Variants in PROS1 observed in about 807,000 individuals in gnomAD.
PROS1 encodes vitamin K-dependent protein S.
PROS1 carries 29 observed loss-of-function variants against 75.9 expected under a neutral mutation model. That is an observed-to-expected ratio of 0.38 (90% confidence interval 0.28 to 0.52). The LOEUF is 0.52. PROS1 is among the 20% of genes least tolerant of loss of function. PROS1 has a pLI of 0.83. For missense variants in PROS1, 680 were observed against 810.3 expected (o/e 0.84, Z 1.95); for synonymous variants, 245 against 280.6 (o/e 0.87, Z 1.27).
chr3:93,955,879 C>G (rs1156945158), intron 1 of PROS1, among the ~76,000 whole-genome samples: 1 of 152,060 alleles, frequency 6.6e-6, no homozygotes, highest in East Asian at 1.9e-4. Flanking sequence ...TACAGATATT[C>G]AATTTTACAC....
At chr3:93,935,669 T>C (rs1350277147) in intron 1 of PROS1, among the ~76,000 whole-genome samples, 1 of 152,126 alleles carries the variant, frequency 6.6e-6, no homozygotes, top group Non-Finnish European at 1.5e-5. Context: ...CTTTGACTCT[T>C]AGGATATAAT....
At chr3:93,896,740 G>T in intron 8 of PROS1, 49 bp from the exon 9 acceptor site, 2 of 1,356,724 alleles carry the variant, frequency 1.5e-6, no homozygotes, top group South Asian at 1.2e-5. Context: ...AAATGCACAG[G>T]TTATTGCTTA....
chr3:93,876,543 C>A (rs1251865672), intron 14 of PROS1, among the ~76,000 whole-genome samples: 1 of 124,824 alleles, frequency 8.0e-6, no homozygotes, highest in African/African-American at 3.1e-5. Context: ...GAGCCGAGAT[C>A]GTGCCACTGC....
chr3:93,945,587 A>G (rs1440906295), intron 1 of PROS1, among the ~76,000 whole-genome samples: 2 of 152,238 alleles, frequency 1.3e-5, no homozygotes, highest in African/African-American at 4.8e-5. Context: ...GATGCAGAAA[A>G]GGCCTTCAGC....
intron 3 of PROS1, among the ~76,000 whole-genome samples, chr3:93,924,009 G>A (rs1708982062): frequency 6.6e-6 from 1 of 151,992 alleles, no homozygotes; most frequent in African/African-American, 2.4e-5. Flanking sequence ...AGAAAGACAT[G>A]AGAAAGAAAA....
At chr3:93,882,523 C>T (rs1708286830) in intron 12 of PROS1, among the ~76,000 whole-genome samples, 1 of 152,072 alleles carries the variant, frequency 6.6e-6, no homozygotes, top group Non-Finnish European at 1.5e-5. Context: ...TAACCAGAAA[C>T]CTAAAGAAAG....
intron 3 of PROS1, among the ~76,000 whole-genome samples, chr3:93,916,801 A>G (rs547755799): frequency 3.9e-5 from 6 of 152,232 alleles, no homozygotes; most frequent in Non-Finnish European, 7.3e-5. Flanking sequence ...AGATCTTGCT[A>G]CATGTACCTT....
rs1306329372 is a variant in PROS1, at chr3:93,884,793, A to G, written c.1427T>C (p.Leu476Pro). The G allele has an allele frequency of 6.2e-7, 1 of 1,613,770 alleles. No individual in the cohort carries two copies. Among genetic ancestry groups the G allele is most frequent in the Non-Finnish European group, 8.5e-7 (1 of 1,179,902 alleles). Residue 476 changes from leucine to proline, a missense_variant, in exon 12 of 15, where the codon CTG becomes CCG. Transcript: ENST00000394236. ...IIQEKQNKHCLVTVEKGSYYP... is the reference protein window; with the variant it reads ...IIQEKQNKHCPVTVEKGSYYP... ...GTAGGAGCCCTTCTCCACAGTAACC[A>G]GGCAATGCTTATTTTGTTTTTCTTG...
chr3:93,948,459 T>A (rs1432374912), intron 1 of PROS1, among the ~76,000 whole-genome samples: 1 of 152,184 alleles, frequency 6.6e-6, no homozygotes, highest in African/African-American at 2.4e-5. Context: ...TTCCTGGATA[T>A]CCTTGTTAAC....
At chr3:93,883,014 T>C (rs1024333206) in intron 12 of PROS1, among the ~76,000 whole-genome samples, 1 of 152,148 alleles carries the variant, frequency 6.6e-6, no homozygotes, top group African/African-American at 2.4e-5. Flanking sequence ...AGAAAACATA[T>C]TGAGTCCTGA....
At chr3:93,940,930 T>C (rs941574876) in intron 1 of PROS1, among the ~76,000 whole-genome samples, 2 of 152,176 alleles carry the variant, frequency 1.3e-5, no homozygotes, top group Admixed American at 1.3e-4. Context: ...GTTTTGCCTA[T>C]CCACCCTCTG....
chr3:93,973,696 C>A lies in PROS1; in HGVS notation c.54G>T (p.Val18=), dbSNP rs758928762. The A allele has an allele frequency of 6.2e-7, 1 of 1,613,986 alleles. No individual in the cohort carries two copies. The highest frequency in any genetic ancestry group is 8.5e-7 in the Non-Finnish European group (1 of 1,179,922). The change falls in exon 1 of 15, where the codon GTG becomes GTT. Residue 18 remains valine (V), a synonymous_variant. Transcript: ENST00000394236. ...CGALLACLLL[V]LPVSEANFLS... ...CACAGTTTGCCTCTGAGACGGGAAGCACTAGGAGGAGACACGCCAGCAGCG... is the reference window on the plus strand; with the variant it reads ...CACAGTTTGCCTCTGAGACGGGAAGAACTAGGAGGAGACACGCCAGCAGCG...
Position 93,918,615 on chromosome 3 carries a change from G to A in PROS1, c.259+5625C>T, listed in dbSNP as rs527967268. Among the ~76,000 whole-genome samples, 7 of 152,178 alleles carry A rather than the reference G, an allele frequency of 4.6e-5. No individual in the cohort carries two copies. In the South Asian group the frequency reaches 1.0e-3, roughly 23 times the overall value. ...AACTGTAACACTCACCGCGAGGGTC[G>A]GCGGCTTCATTCTTGAAGTCAGTGA... On this transcript the variant is annotated intron_variant, in intron 3 of 14. Coordinates refer to ENST00000394236, the MANE Select transcript of PROS1 (RefSeq NM_000313.4).
intron 1 of PROS1, among the ~76,000 whole-genome samples, chr3:93,972,107 C>T (rs1709890248): frequency 6.6e-6 from 1 of 152,168 alleles, no homozygotes; most frequent in Non-Finnish European, 1.5e-5. Context: ...ATGTAACAAT[C>T]TCTACAAAGA....
intron 1 of PROS1, among the ~76,000 whole-genome samples, chr3:93,945,228 C>T (rs1204699509): frequency 6.6e-6 from 1 of 152,176 alleles, no homozygotes; most frequent in Non-Finnish European, 1.5e-5. Flanking sequence ...ACCAGAGATA[C>T]AAACAGGAAC....
At chr3:93,965,569 A>T (rs541984863) in intron 1 of PROS1, among the ~76,000 whole-genome samples, 62 of 152,296 alleles carry the variant, frequency 4.1e-4, no homozygotes, top group African/African-American at 1.3e-3. Flanking sequence ...CAAGAACCCC[A>T]GGTCAGAGAA....
intron 14 of PROS1, among the ~76,000 whole-genome samples, chr3:93,876,418 C>T (rs1708187668): frequency 6.6e-6 from 1 of 151,892 alleles, no homozygotes; most frequent in African/African-American, 2.4e-5. Flanking sequence ...GAAACCCCCT[C>T]TCTACTAAAA....
In PROS1 at chr3:93,887,472, C is replaced by T. The variant is rs189032564; in HGVS notation, c.1156-969G>A. On this transcript the variant is annotated intron_variant, in intron 10 of 14. Coordinates refer to ENST00000394236, the MANE Select transcript of PROS1 (RefSeq NM_000313.4). ...ACTGCTGCAATCACTTCAAGTAAAA[C>T]TATAGCACTCAAAGAGCAAACTCTT... Among the ~76,000 whole-genome samples the T allele has an allele frequency of 6.8e-4, 104 of 152,196 alleles. 1 individual carries two copies. The highest frequency in any genetic ancestry group is 1.9e-4 in the Non-Finnish European group (13 of 68,010).
intron 10 of PROS1, among the ~76,000 whole-genome samples, chr3:93,891,702 G>T (rs1012892510): frequency 2.6e-5 from 4 of 151,948 alleles, no homozygotes; most frequent in African/African-American, 9.7e-5. Context: ...GAGCCACTGC[G>T]CCCAGCCTAA....
Sources: allele counts gnomAD v4.1 joint callset (sites outside exome capture counted in the v4.1 genomes callset), GRCh38; gene constraint gnomAD v4.1.1; transcripts MANE v1.5; gene names NCBI Gene and HGNC (gene_info 2026-07-23, HGNC 2026-07-21).